The following CANX variants were observed in gnomAD, a reference collection of about 807,000 sequenced individuals.
The protein encoded by CANX is calnexin.
Under a neutral mutation model 75.7 loss-of-function variants are expected in CANX, and 14 were observed. That is an observed-to-expected ratio of 0.19 (90% CI 0.12 to 0.29). The LOEUF is 0.29. Ranked by LOEUF, CANX falls within the 10% of genes least tolerant of loss-of-function variation. The probability of loss-of-function intolerance (pLI) is 1.00; values close to 1 mark genes in which losing one functional copy is unlikely to be tolerated. For missense variants in CANX, 567 were observed against 713.2 expected, an observed-to-expected ratio of 0.79 and a Z score of 2.34; for synonymous variants, 227 against 236.9, an observed-to-expected ratio of 0.96 and a Z score of 0.38.
chr5:179,679,895 G>A (rs1362605368), intron 1 of CANX, among the ~76,000 whole-genome samples: 4 of 150,808 alleles, frequency 2.7e-5, no homozygotes, highest in Admixed American at 6.6e-5. Context: ...CTGACCTCAG[G>A]TGATCCACCC....
intron 1 of CANX, chr5:179,701,070 G>T (rs1245300887): frequency 6.6e-6 from 1 of 151,940 alleles, no homozygotes; most frequent in African/African-American, 2.4e-5. Flanking sequence ...GTTTCACCGT[G>T]TTAGCCAGGA....
At chr5:179,692,746 G>A (rs1226830224) in intron 1 of CANX, among the ~76,000 whole-genome samples, 3 of 151,970 alleles carry the variant, frequency 2.0e-5, no homozygotes, top group Non-Finnish European at 4.4e-5. Flanking sequence ...AAACTCCTGG[G>A]CTCAAGTGAT....
chr5:179,690,392 A>G (rs537337291), intron 1 of CANX, among the ~76,000 whole-genome samples: 1 of 151,486 alleles, frequency 6.6e-6, no homozygotes, highest in South Asian at 2.1e-4. Context: ...CCTGGCCAAC[A>G]TGGTGAAACC....
At chr5:179,714,422 T>C (rs1483110488) in intron 7 of CANX, among the ~76,000 whole-genome samples, 1 of 152,264 alleles carries the variant, frequency 6.6e-6, no homozygotes, top group African/African-American at 2.4e-5. Context: ...CTTAAAATTA[T>C]CTTAAACATC....
rs558907168 is a variant in CANX, at chr5:179,701,736, CTTTTTTTTTTTTT to C, written c.-4+2649_-4+2661del. Among the ~76,000 whole-genome samples the C allele has an allele frequency of 1.1e-4, 5 of 44,004 alleles. 1 individual carries two copies. In the South Asian group the frequency reaches 3.5e-3, roughly 31 times the overall value. The allele number at this position is 44,004 out of a possible 152,430, so 28.9% of individuals were successfully genotyped here. The stretch of plus-strand genomic sequence containing the variant: ...ATTCTTTGTTACTCCAACAGATGTA[CTTTTTTTTTTTTT>C]TTTTTTTTTTTTTTGAGACGGAGTC... On this transcript the variant is annotated intron_variant, in intron 1 of 14. Transcript: ENST00000247461.
chr5:179,679,209 G>T, intron 1 of CANX: 6 of 1,534,320 alleles, frequency 3.9e-6, no homozygotes, highest in Non-Finnish European at 5.2e-6. Context: ...CTCGTGCTGC[G>T]CTCTTGTCTC....
rs1468923584 is a variant in CANX at position 179,728,789 on chromosome 5, G to A, written c.*145G>A. The stretch of plus-strand genomic sequence containing the variant: ...GCAGGCTCCAGTTGAACACTAGTCT[G>A]TGTAACTTTAAACATCTAGCAGTAA... On this transcript the variant is annotated 3_prime_UTR_variant, in exon 15 of 15. Transcript: ENST00000247461. 3 of 711,058 alleles carry A rather than the reference G, an allele frequency of 4.2e-6. No individual in the cohort carries two copies. The allele number at this position is 711,058 out of a possible 1,614,324, so 44.0% of individuals were successfully genotyped here.
intron 7 of CANX, chr5:179,715,821 TTTG>T: frequency 4.5e-6 from 2 of 442,936 alleles, no homozygotes; most frequent in African/African-American, 4.0e-5. Context: ...TCTTGTTTTT[TTTG>T]TTTTTTTTTT....
intron 13 of CANX, 96 bp downstream of exon 13, chr5:179,724,879 T>TG: frequency 1.4e-6 from 2 of 1,470,912 alleles, no homozygotes; most frequent in Non-Finnish European, 1.8e-6. Flanking sequence ...TAGCCAGGCG[T>TG]GGTGGCTCAA....
At chr5:179,716,733 T>C (rs1287269924) in intron 8 of CANX, among the ~76,000 whole-genome samples, 1 of 152,236 alleles carries the variant, frequency 6.6e-6, no homozygotes, top group East Asian at 1.9e-4. Context: ...ACCATCTGCC[T>C]ACACAGAGCT....
intron 1 of CANX, among the ~76,000 whole-genome samples, chr5:179,691,640 C>T (rs1245750845): frequency 6.6e-6 from 1 of 152,168 alleles, no homozygotes; most frequent in Admixed American, 6.6e-5. Context: ...GGAAGAGCCA[C>T]TACACTGCAA....
chr5:179,705,929 A>G, intron 2 of CANX, 77 bp downstream of exon 2: 14 of 1,256,272 alleles, frequency 1.1e-5, no homozygotes, highest in Non-Finnish European at 1.4e-5. Flanking sequence ...GTGCAGGGAA[A>G]TGTAGTCTCA....
intron 13 of CANX, among the ~76,000 whole-genome samples, chr5:179,725,401 G>C (rs1778581528): frequency 6.6e-6 from 1 of 151,946 alleles, no homozygotes; most frequent in African/African-American, 2.4e-5. Context: ...AAAATTGTTG[G>C]CCAGGTGCGG....
At chr5:179,700,918 A>G (rs56807514) in intron 1 of CANX, 72,276 of 149,374 alleles carry the variant, frequency 0.48, 18,474 homozygotes, top group South Asian at 0.63. Flanking sequence ...GCTGGAGTGC[A>G]GTGGCGCGAT....
At chr5:179,707,082 C>A in intron 3 of CANX, 50 bp from the exon 4 acceptor site, 1 of 1,111,896 alleles carries the variant, frequency 9.0e-7, no homozygotes, top group Non-Finnish European at 1.4e-6. Context: ...AATTTTCCCT[C>A]ACAAGTCAAC....
intron 11 of CANX, 108 bp from the exon 12 acceptor site, chr5:179,723,552 A>T (rs892953818): frequency 1.9e-6 from 2 of 1,057,156 alleles, no homozygotes; most frequent in African/African-American, 3.3e-5. Flanking sequence ...TCTCTGAAAA[A>T]GAAGGTCCTG....
At chr5:179,688,323 G>A (rs1291108634) in intron 1 of CANX, among the ~76,000 whole-genome samples, 2 of 148,094 alleles carry the variant, frequency 1.4e-5, no homozygotes, top group Non-Finnish European at 3.0e-5. Flanking sequence ...AAAGTGCTGG[G>A]ATTACGAGCG....
intron 1 of CANX, among the ~76,000 whole-genome samples, chr5:179,693,277 C>T (rs1776332858): frequency 6.6e-6 from 1 of 151,992 alleles, no homozygotes; most frequent in African/African-American, 2.4e-5. Flanking sequence ...CTGTGGTTCA[C>T]ACCTGTAATA....
chr5:179,685,154 A>C (rs990965477), intron 1 of CANX, among the ~76,000 whole-genome samples: 5 of 152,068 alleles, frequency 3.3e-5, no homozygotes, highest in East Asian at 3.9e-4. Context: ...GCTGGAGCGC[A>C]GTGGCGCAAC....
Sources: gnomAD v4.1 joint callset for allele counts (sites outside exome capture counted in the v4.1 genomes callset) on GRCh38, gnomAD v4.1.1 for gene constraint, MANE v1.5 for transcripts, NCBI Gene and HGNC (gene_info 2026-07-23, HGNC 2026-07-21) for gene names.